The following TRPM6 variants were observed in gnomAD, a reference collection of about 807,000 sequenced individuals.
TRPM6 encodes channel kinase 2.
Under a neutral mutation model 247.6 loss-of-function variants are expected in TRPM6, and 111 were observed. The ratio of observed to expected loss-of-function variants is 0.45; its 90% CI spans 0.38 to 0.52. The LOEUF (loss-of-function observed/expected upper bound fraction) is 0.52, where lower values mean the gene tolerates loss of function less well. Ranked by LOEUF, TRPM6 falls within the 20% of genes least tolerant of loss-of-function variation. The pLI is 0.00. For synonymous variants in TRPM6, 892 were observed against 853.8 expected, an observed-to-expected ratio of 1.04 and a Z score of -0.78; for missense variants, 2,126 against 2,421.5, an observed-to-expected ratio of 0.88 and a Z score of 2.56.
At chr9:74,843,944 C>A (rs991661432) in intron 3 of TRPM6, among the ~76,000 whole-genome samples, 1 of 151,952 alleles carries the variant, frequency 6.6e-6, no homozygotes, top group South Asian at 2.1e-4. Context: ...TCCATAAGAG[C>A]TCTTGGGTGA....
chr9:74,787,015 A>G (rs1827703292), intron 20 of TRPM6, among the ~76,000 whole-genome samples: 1 of 151,420 alleles, frequency 6.6e-6, no homozygotes, highest in Non-Finnish European at 1.5e-5. Flanking sequence ...CCTGGCCAAC[A>G]TGATGAAACC....
intron 30 of TRPM6, 110 bp from the exon 31 acceptor site, chr9:74,748,024 T>C (rs1167531051): frequency 2.0e-6 from 2 of 1,024,950 alleles, no homozygotes; most frequent in Admixed American, 1.8e-5. Context: ...ATATATTTTA[T>C]ATACATGTGA....
intron 6 of TRPM6, among the ~76,000 whole-genome samples, chr9:74,832,937 G>T (rs1223456128): frequency 1.3e-5 from 2 of 152,020 alleles, no homozygotes; most frequent in African/African-American, 4.8e-5. Flanking sequence ...TGTAATCCCA[G>T]CTACTTGGGA....
intron 13 of TRPM6, among the ~76,000 whole-genome samples, chr9:74,810,592 A>G (rs1300257177): frequency 6.6e-6 from 1 of 152,238 alleles, no homozygotes; most frequent in East Asian, 1.9e-4. Flanking sequence ...ATTAGCAAAT[A>G]TCACCTAACT....
rs544595562 is a variant in TRPM6 at position 74,879,496 on chromosome 9, G to C, written c.33+8328C>G. Among the ~76,000 whole-genome samples the C allele has an allele frequency of 3.0e-4, 45 of 152,184 alleles. No individual in the cohort carries two copies. The South Asian group carries it at 9.3e-3, about 32-fold the overall frequency. On this transcript the variant is annotated intron_variant, in intron 1 of 38. Transcript: ENST00000360774. ...TGTTAGGCCTCAGGGGAAGTTCTGAGGAAACAGAATTTGTCTCCTGCCTTT... is the reference window on the plus strand; with the variant it reads ...TGTTAGGCCTCAGGGGAAGTTCTGACGAAACAGAATTTGTCTCCTGCCTTT...
intron 2 of TRPM6, among the ~76,000 whole-genome samples, chr9:74,856,126 G>A (rs1241556823): frequency 2.0e-5 from 3 of 151,972 alleles, no homozygotes; most frequent in Non-Finnish European, 4.4e-5. Flanking sequence ...AGATTTAGGG[G>A]TTAGCACTGT....
chr9:74,755,897 A>T (rs529390832), intron 27 of TRPM6, among the ~76,000 whole-genome samples: 19 of 152,280 alleles, frequency 1.2e-4, no homozygotes, highest in African/African-American at 4.6e-4. Flanking sequence ...AATCCAAAGA[A>T]TTTGTGTTGG....
In TRPM6 at chr9:74,802,099, C is replaced by T. The variant is rs746442748; in HGVS notation, c.1808G>A (p.Gly603Asp). 4.3e-6 allele frequency: 7 copies of T among 1,614,082 alleles called. No individual in the cohort carries two copies. The highest frequency in any genetic ancestry group is 5.9e-6 in the Non-Finnish European group (7 of 1,180,008). ...CAGGTCATTGTAAGGGTAAAGAAAG[C>T]CAGTAGACTCAGGGTCATCTGATAC... Reference protein sequence around the residue: ...QNVSDDPESTGFLYPYNDLLV... With the variant: ...QNVSDDPESTDFLYPYNDLLV... Residue 603 changes from glycine to aspartate, a missense_variant, in exon 16 of 39, where the codon GGC becomes GAC. Gly to Asp is a moderately conservative substitution (Grantham distance 94, BLOSUM62 -1). Coordinates refer to ENST00000360774, the MANE Select transcript of TRPM6 (RefSeq NM_017662.5).
chr9:74,816,919 A>C lies in TRPM6; in HGVS notation c.1180T>G (p.Leu394Val). 1.2e-6 allele frequency: 2 copies of C among 1,614,198 alleles called. No homozygotes were observed. Among genetic ancestry groups the C allele is most frequent in the Non-Finnish European group, 1.7e-6 (2 of 1,180,024 alleles). The change falls in exon 10 of 39, where the codon TTA becomes GTA. Residue 394 changes from leucine to valine, a missense_variant. Around this residue, in one of 3 missense-constraint regions of TRPM6, gnomAD observed 1,082 missense variants for 1,307.9 expected, o/e 0.83. Transcript: ENST00000360774. Reference protein sequence around the residue: ...ADSEEQQDLDLAILTALLKGT... With the variant: ...ADSEEQQDLDVAILTALLKGT... The stretch of plus-strand genomic sequence containing the variant: ...TTCAGCAAAGCTGTTAGGATTGCTA[A>C]GTCCAGGTCTTGCTGCTCTTCAGAG...
At chr9:74,807,545 T>C (rs1156422678) in intron 14 of TRPM6, among the ~76,000 whole-genome samples, 2 of 152,202 alleles carry the variant, frequency 1.3e-5, no homozygotes, top group East Asian at 3.8e-4. Context: ...AAATAAAATA[T>C]GTATCACTTA....
At position 74,752,798 on chromosome 9, in the gene TRPM6, G is replaced by T. The variant is rs537143660; in HGVS notation, c.4907-430C>A. ...GCAACTGCATCAAACATCATAGTAG[G>T]CTACTTAAAAAGAACAATAAAAGAA... On this transcript the variant is annotated intron_variant, in intron 28 of 38. Coordinates refer to ENST00000360774, the MANE Select transcript of TRPM6 (RefSeq NM_017662.5). Among the ~76,000 whole-genome samples the T allele has an allele frequency of 2.0e-5, 3 of 152,062 alleles. No homozygotes were observed. In the South Asian group the frequency reaches 6.2e-4, roughly 32 times the overall value.
chr9:74,870,971 A>G (rs927409459), intron 1 of TRPM6, among the ~76,000 whole-genome samples: 3 of 152,104 alleles, frequency 2.0e-5, no homozygotes, highest in Admixed American at 6.6e-5. Context: ...AAGAAAAGAA[A>G]TAGGCATTCC....
rs1829887185 is a variant in TRPM6 at position 74,840,256 on chromosome 9, T to C, written c.331-19A>G. 1.3e-6 allele frequency: 2 copies of C among 1,553,480 alleles called. No homozygotes were observed. The highest frequency in any genetic ancestry group is 1.8e-6 in the Non-Finnish European group (2 of 1,126,230). On this transcript the variant is annotated intron_variant, in intron 4 of 38. Coordinates refer to ENST00000360774, the MANE Select transcript of TRPM6 (RefSeq NM_017662.5). ...TAATATACTGCAAGAAAAGCACATGTAGGTGAACAGAACATTGTAAAAAAG... is the reference window on the plus strand; with the variant it reads ...TAATATACTGCAAGAAAAGCACATGCAGGTGAACAGAACATTGTAAAAAAG...
intron 6 of TRPM6, among the ~76,000 whole-genome samples, chr9:74,830,556 G>A (rs942897229): frequency 6.6e-6 from 1 of 151,594 alleles, no homozygotes; most frequent in South Asian, 2.1e-4. Flanking sequence ...CTGCCATGCT[G>A]GCTATTTTTG....
At chr9:74,736,589 G>C (rs1233096698) in intron 36 of TRPM6, among the ~76,000 whole-genome samples, 2 of 152,136 alleles carry the variant, frequency 1.3e-5, no homozygotes, top group African/African-American at 4.8e-5. Context: ...TACTATTATA[G>C]GATTCACATT....
intron 3 of TRPM6, 139 bp from the exon 4 acceptor site, chr9:74,842,482 C>T: frequency 2.3e-6 from 2 of 877,156 alleles, no homozygotes; most frequent in Non-Finnish European, 3.6e-6. Context: ...AAATTTCTAA[C>T]ATAGGACTGT....
At chr9:74,765,768 GGGATTGAAAGAA>G in intron 25 of TRPM6, among the ~76,000 whole-genome samples, 1 of 152,286 alleles carries the variant, frequency 6.6e-6, no homozygotes, top group African/African-American at 2.4e-5. Context: ...TCAAGTCACA[GGGATTGAAAGAA>G]AGATCTTCCA....
intron 1 of TRPM6, among the ~76,000 whole-genome samples, chr9:74,881,659 T>C (rs1831368302): frequency 6.6e-6 from 1 of 152,174 alleles, no homozygotes; most frequent in Non-Finnish European, 1.5e-5. Flanking sequence ...TGGAACATTC[T>C]CCAGAATAGA....
intron 6 of TRPM6, among the ~76,000 whole-genome samples, chr9:74,830,220 A>T (rs1360634298): frequency 6.6e-6 from 1 of 152,200 alleles, no homozygotes; most frequent in African/African-American, 2.4e-5. Context: ...AGAGATGTTG[A>T]ACCTCACTAG....
Sources: gnomAD v4.1 joint callset for allele counts (sites outside exome capture counted in the v4.1 genomes callset) on GRCh38, gnomAD v4.1.1 for gene constraint, gnomAD v4.1.1 regional missense constraint, MANE v1.5 for transcripts, NCBI Gene and HGNC (gene_info 2026-07-23, HGNC 2026-07-21) for gene names.